Variants in ASPH observed in about 807,000 individuals in gnomAD.
ASPH encodes aspartyl/asparaginyl beta-hydroxylase.
Under a neutral mutation model 118.4 loss-of-function variants are expected in ASPH, and 100 were observed. The observed-to-expected ratio is 0.84, with a 90% confidence interval of 0.72 to 1.00. ASPH has a LOEUF of 1.00. Among genes scored for constraint, ASPH ranks in the 50% least tolerant of loss-of-function variants. ASPH has a pLI of 0.00. For missense variants in ASPH, 920 were observed against 919.5 expected (o/e 1.00, Z -0.01); for synonymous variants, 315 against 325.6 (o/e 0.97, Z 0.35).
intron 20 of ASPH, 21 bp from the exon 21 acceptor site, chr8:61,548,229 T>C: frequency 6.3e-7 from 1 of 1,598,812 alleles, no homozygotes; most frequent in East Asian, 2.2e-5. Flanking sequence ...AGAAAGAATG[T>C]GCTCCAAACT....
chr8:61,519,665 T>TC (rs1381249206), intron 22 of ASPH, among the ~76,000 whole-genome samples: 1 of 55,982 alleles, frequency 1.8e-5, no homozygotes, highest in East Asian at 5.8e-4. Context: ...AATCACAGCA[T>TC]CCTTAAATGT....
intron 1 of ASPH, among the ~76,000 whole-genome samples, chr8:61,691,873 T>G (rs569959272): frequency 1.3e-4 from 20 of 152,336 alleles, no homozygotes; most frequent in African/African-American, 4.8e-4. Context: ...AGAGCTCGTT[T>G]CATAATCCCA....
At position 61,579,404 on chromosome 8, in the gene ASPH, G is replaced by A. The variant is rs1836621106; in HGVS notation, c.1063-2546C>T. ...AGATCGCCACCTACAGGAAGCTGCT[G>A]GAGGGCAAAGAGAGCCGGCTGAAGT... On this transcript the variant is annotated intron_variant, in intron 15 of 24. Transcript: ENST00000379454. 5.6e-6 allele frequency: 9 copies of A among 1,613,540 alleles called. No homozygotes were observed. In the South Asian group the frequency reaches 9.9e-5, roughly 18 times the overall value.
chr8:61,703,192 C>A (rs914065800), intron 1 of ASPH, among the ~76,000 whole-genome samples: 6 of 152,168 alleles, frequency 3.9e-5, no homozygotes, highest in African/African-American at 9.7e-5. Flanking sequence ...ATTTTACTTA[C>A]TTAATGGTAA....
At chr8:61,712,613 G>A (rs996628837) in intron 1 of ASPH, among the ~76,000 whole-genome samples, 4 of 152,168 alleles carry the variant, frequency 2.6e-5, no homozygotes, top group Admixed American at 2.0e-4. Context: ...TATGGGCAGA[G>A]TTTGTTCTAA....
At chr8:61,637,616 A>G (rs1655326718) in intron 12 of ASPH, among the ~76,000 whole-genome samples, 1 of 152,076 alleles carries the variant, frequency 6.6e-6, no homozygotes, top group East Asian at 1.9e-4. Context: ...GCCCATAGCT[A>G]TGCCCTTCTC....
chr8:61,603,334 TG>T (rs1844667677), intron 14 of ASPH, among the ~76,000 whole-genome samples: 1 of 152,066 alleles, frequency 6.6e-6, no homozygotes, highest in Non-Finnish European at 1.5e-5. Context: ...TAATTTGAAA[TG>T]GGACCTAAAC....
chr8:61,556,787 C>CGGTGCA (rs1055645425), intron 18 of ASPH, among the ~76,000 whole-genome samples: 2 of 152,188 alleles, frequency 1.3e-5, no homozygotes, highest in Non-Finnish European at 2.9e-5. Context: ...AGGTTTGAGT[C>CGGTGCA]GGTGCATGTG....
chr8:61,538,038 T>C (rs1382591391), intron 21 of ASPH, among the ~76,000 whole-genome samples: 2 of 152,194 alleles, frequency 1.3e-5, no homozygotes, highest in East Asian at 3.8e-4. Context: ...GGAACATCCA[T>C]GATGGAAGGC....
chr8:61,646,614 T>C (rs913744981), intron 6 of ASPH, 136 bp downstream of exon 6: 132 of 1,059,524 alleles, frequency 1.2e-4, no homozygotes, highest in Non-Finnish European at 1.6e-4. Context: ...TTTGCTTTAA[T>C]TGAAGCTTTA....
chr8:61,539,808 GTTGT>G lies in ASPH; in HGVS notation c.1764+8259_1764+8262del, dbSNP rs202141497. 8.4e-3 allele frequency among the ~76,000 whole-genome samples: 1,252 copies of G among 149,058 alleles called. 17 individuals carry two copies. Among genetic ancestry groups the G allele is most frequent in the African/African-American group, 0.028 (1,153 of 40,906 alleles). On this transcript the variant is annotated intron_variant, in intron 21 of 24. Transcript: ENST00000379454. Reference sequence around the variant, plus strand: ...CTCTAACAGTTTTGAGTTGCTATTGGTTGTTTATTTTCAATGTTACTATAGTGTT... The same window carrying G: ...CTCTAACAGTTTTGAGTTGCTATTGGTTATTTTCAATGTTACTATAGTGTT...
intron 24 of ASPH, among the ~76,000 whole-genome samples, chr8:61,506,095 GACAA>G (rs1806453761): frequency 6.6e-6 from 1 of 152,176 alleles, no homozygotes; most frequent in Non-Finnish European, 1.5e-5. Context: ...TGAATGAACA[GACAA>G]ACAAAATGTG....
intron 12 of ASPH, among the ~76,000 whole-genome samples, chr8:61,636,763 T>C (rs1857976751): frequency 6.6e-6 from 1 of 152,226 alleles, no homozygotes. Context: ...CCAGAGATTA[T>C]GGGTTTCCAT....
chr8:61,579,617 C>G, intron 15 of ASPH: 1 of 1,519,704 alleles, frequency 6.6e-7, no homozygotes, highest in Non-Finnish European at 9.0e-7. Context: ...TGAAGAAGAT[C>G]GAGACATGTG....
chr8:61,663,973 A>T, intron 3 of ASPH: 1 of 866,544 alleles, frequency 1.2e-6, no homozygotes. Flanking sequence ...GATCTTCATA[A>T]AAAAGTAAAT....
At chr8:61,533,999 GT>G (rs1449682786) in intron 21 of ASPH, among the ~76,000 whole-genome samples, 1 of 152,190 alleles carries the variant, frequency 6.6e-6, no homozygotes, top group Non-Finnish European at 1.5e-5. Context: ...CCAGGCTAGA[GT>G]ACAATGGCGC....
rs762740715 is a variant in ASPH, at chr8:61,553,070, G to C, written c.1587C>G (p.Phe529Leu). Residue 529 changes from phenylalanine (F) to leucine (L), a missense_variant, in exon 20 of 25, where the codon TTC becomes TTG. Physicochemically the swap from Phe to Leu is conservative, Grantham distance 22 (BLOSUM62 0). Transcript: ENST00000379454. ...DPGTDDGRFY[F>L]HLGDAMQRVG... ...CCCTCTGCATGGCATCCCCCAGGTG[G>C]AAATAAAATCTCCCATCATCAGTGC... is the stretch of plus-strand genomic sequence containing the variant. The C allele has an allele frequency of 6.2e-7, 1 of 1,613,648 alleles. No homozygotes were observed. Among genetic ancestry groups the C allele is most frequent in the South Asian group, 1.1e-5 (1 of 91,070 alleles).
At chr8:61,705,963 C>A (rs1836509364) in intron 1 of ASPH, among the ~76,000 whole-genome samples, 2 of 152,136 alleles carry the variant, frequency 1.3e-5, no homozygotes. Context: ...GGAGTCATTA[C>A]AGAACTCTTT....
chr8:61,521,377 T>C (rs901951574), intron 22 of ASPH, among the ~76,000 whole-genome samples: 6 of 148,780 alleles, frequency 4.0e-5, no homozygotes, highest in African/African-American at 1.3e-4. Flanking sequence ...GTCTTTCATC[T>C]AGTGCTCACT....
Sources: allele counts gnomAD v4.1 joint callset (sites outside exome capture counted in the v4.1 genomes callset), GRCh38; gene constraint gnomAD v4.1.1; transcripts MANE v1.5; gene names NCBI Gene and HGNC (gene_info 2026-07-23, HGNC 2026-07-21).